Variants in INPP4B observed in about 807,000 individuals in gnomAD.
The protein encoded by INPP4B is inositol polyphosphate-4-phosphatase type II B, also known as inositol polyphosphate 4-phosphatase type II.
A neutral mutation model predicts 122.5 loss-of-function variants in INPP4B; 55 were observed. The ratio of observed to expected loss-of-function variants is 0.45; its 90% CI spans 0.36 to 0.56. INPP4B has a LOEUF of 0.56. INPP4B is among the 20% of genes least tolerant of loss of function. INPP4B has a pLI of 0.00. For synonymous variants in INPP4B, 403 were observed against 388.7 expected (o/e 1.04, Z -0.43); for missense variants, 1,000 against 1,097.7 (o/e 0.91, Z 1.26).
intron 2 of INPP4B, among the ~76,000 whole-genome samples, chr4:142,683,449 A>G (rs114304448): frequency 0.019 from 2,925 of 151,966 alleles, 91 homozygotes; most frequent in African/African-American, 0.066. Flanking sequence ...AGCACAGAGT[A>G]TCTGGCTTTG....
chr4:142,490,299 G>A (rs1179723849), intron 2 of INPP4B, among the ~76,000 whole-genome samples: 1 of 151,960 alleles, frequency 6.6e-6, no homozygotes, highest in African/African-American at 2.4e-5. Flanking sequence ...GTGTTGCTGG[G>A]GCTGGTCTCA....
chr4:142,765,419 C>T (rs1038106152), intron 1 of INPP4B, among the ~76,000 whole-genome samples: 1 of 152,140 alleles, frequency 6.6e-6, no homozygotes, highest in Non-Finnish European at 1.5e-5. Flanking sequence ...CACCAAAACA[C>T]TCTTTCCAAA....
intron 23 of INPP4B, among the ~76,000 whole-genome samples, chr4:142,100,634 A>G (rs1205535417): frequency 1.3e-5 from 2 of 152,098 alleles, no homozygotes. Context: ...TAATATCCTA[A>G]CTCAATTGTC....
intron 5 of INPP4B, among the ~76,000 whole-genome samples, chr4:142,420,504 A>G (rs1316800743): frequency 6.6e-6 from 1 of 152,110 alleles, no homozygotes; most frequent in African/African-American, 2.4e-5. Flanking sequence ...TACCCACCCG[A>G]CAGATGTGTA....
chr4:142,133,920 CT>C (rs1349712838), intron 18 of INPP4B, among the ~76,000 whole-genome samples: 2 of 152,186 alleles, frequency 1.3e-5, no homozygotes, highest in Non-Finnish European at 2.9e-5. Context: ...AATCTCTACC[CT>C]ACAACATTAC....
chr4:142,516,690 G>A (rs1825453178), intron 2 of INPP4B, among the ~76,000 whole-genome samples: 2 of 152,114 alleles, frequency 1.3e-5, no homozygotes, highest in East Asian at 3.9e-4. Flanking sequence ...ATTGCTCTGT[G>A]CCCTGGAGCC....
intron 1 of INPP4B, among the ~76,000 whole-genome samples, chr4:142,811,311 T>C (rs1779490986): frequency 6.6e-6 from 1 of 152,178 alleles, no homozygotes; most frequent in Non-Finnish European, 1.5e-5. Context: ...TTAGTGCAGA[T>C]GTTGTTGACA....
intron 2 of INPP4B, among the ~76,000 whole-genome samples, chr4:142,495,667 C>T (rs1316798637): frequency 6.6e-6 from 1 of 152,110 alleles, no homozygotes; most frequent in African/African-American, 2.4e-5. Flanking sequence ...TTCACCATTA[C>T]CGATTTTACC....
intron 1 of INPP4B, among the ~76,000 whole-genome samples, chr4:142,814,561 G>A (rs764973894): frequency 4.6e-5 from 7 of 152,060 alleles, no homozygotes; most frequent in Admixed American, 2.0e-4. Flanking sequence ...TATTGTTATT[G>A]TATGAAGAGG....
chr4:142,831,088 C>T lies in INPP4B; in HGVS notation c.-254+15121G>A, dbSNP rs141543952. Among the ~76,000 whole-genome samples, 17 of 152,068 alleles carry T rather than the reference C, an allele frequency of 1.1e-4. No homozygotes were observed. The East Asian group carries it at 3.3e-3, about 29-fold the overall frequency. Reference sequence around the variant, plus strand: ...TGGGTGGTGGGTTATTAAAGAACTGCTTTTTATTGCCTTCTACTTTTTCTG... The same window carrying T: ...TGGGTGGTGGGTTATTAAAGAACTGTTTTTTATTGCCTTCTACTTTTTCTG... On this transcript the variant is annotated intron_variant, in intron 1 of 25. Coordinates refer to ENST00000262992, the MANE Select transcript of INPP4B (RefSeq NM_001101669.3).
intron 12 of INPP4B, among the ~76,000 whole-genome samples, chr4:142,228,391 A>C (rs1852588869): frequency 6.6e-6 from 1 of 152,256 alleles, no homozygotes; most frequent in East Asian, 1.9e-4. Flanking sequence ...GTAGAAAAGA[A>C]GTCTTGAGCA....
At chr4:142,086,306 T>G in intron 23 of INPP4B, 50 bp from the exon 24 acceptor site, 3 of 1,040,132 alleles carry the variant, frequency 2.9e-6, no homozygotes, top group Non-Finnish European at 4.5e-6. Flanking sequence ...AGTGTTCACA[T>G]TAAGCTGCCC....
chr4:142,117,527 T>C (rs1794239164), intron 21 of INPP4B, among the ~76,000 whole-genome samples: 1 of 152,104 alleles, frequency 6.6e-6, no homozygotes, highest in African/African-American at 2.4e-5. Context: ...TCAATAAACA[T>C]AATCCATCAC....
At chr4:142,745,096 G>A (rs751418842) in intron 1 of INPP4B, among the ~76,000 whole-genome samples, 1 of 151,782 alleles carries the variant, frequency 6.6e-6, no homozygotes, top group South Asian at 2.1e-4. Context: ...GTGTTAAGTG[G>A]ATTAACACTG....
At chr4:142,209,981 A>G (rs868118041) in intron 12 of INPP4B, among the ~76,000 whole-genome samples, 1 of 152,116 alleles carries the variant, frequency 6.6e-6, no homozygotes, top group African/African-American at 2.4e-5. Flanking sequence ...ACTTTTATCT[A>G]AATCTCTACC....
chr4:142,184,704 A>C (rs1832412772), intron 15 of INPP4B, among the ~76,000 whole-genome samples: 1 of 152,214 alleles, frequency 6.6e-6, no homozygotes, highest in South Asian at 2.1e-4. Context: ...GGAGACTTAA[A>C]GCAGACTTGG....
intron 2 of INPP4B, among the ~76,000 whole-genome samples, chr4:142,669,978 A>T (rs1014366534): frequency 6.6e-6 from 1 of 152,168 alleles, no homozygotes; most frequent in Admixed American, 6.6e-5. Context: ...CCAAAGTTGA[A>T]CTTTCTGTGG....
At chr4:142,738,701 C>G (rs372338535) in intron 1 of INPP4B, among the ~76,000 whole-genome samples, 16 of 152,150 alleles carry the variant, frequency 1.1e-4, no homozygotes, top group African/African-American at 3.6e-4. Context: ...TCTGTATTCC[C>G]CATATGTGTC....
chr4:142,272,482 A>AT (rs1355393225), intron 9 of INPP4B, among the ~76,000 whole-genome samples: 1 of 152,084 alleles, frequency 6.6e-6, no homozygotes, highest in Non-Finnish European at 1.5e-5. Flanking sequence ...CTTCTTGGTG[A>AT]TTTTGAAATC....
Sources: gnomAD v4.1 joint callset for allele counts (sites outside exome capture counted in the v4.1 genomes callset) on GRCh38, gnomAD v4.1.1 for gene constraint, MANE v1.5 for transcripts, NCBI Gene and HGNC (gene_info 2026-07-23, HGNC 2026-07-21) for gene names.